The following ATP7B variants were observed in gnomAD, a reference collection of about 807,000 sequenced individuals.
The protein encoded by ATP7B is ATPase copper transporting beta.
In ATP7B, 113 loss-of-function variants were observed where a neutral mutation model predicts 118.9. The ratio of observed to expected loss-of-function variants is 0.95; its 90% CI spans 0.82 to 1.11. The LOEUF (loss-of-function observed/expected upper bound fraction) is 1.11, where lower values mean the gene tolerates loss of function less well. Ranked by LOEUF, ATP7B falls within the 50% of genes most tolerant of loss-of-function variation. ATP7B has a pLI of 0.00. For synonymous variants in ATP7B, 777 were observed against 727.4 expected (o/e 1.07, Z -1.10); for missense variants, 1,867 against 1,871.4 (o/e 1.00, Z 0.04).
At chr13:51,980,941 A>G (rs1952382729) in intron 1 of ATP7B, among the ~76,000 whole-genome samples, 1 of 152,224 alleles carries the variant, frequency 6.6e-6, no homozygotes, top group Non-Finnish European at 1.5e-5. Flanking sequence ...TTCAAAATAC[A>G]AAAAAGTCCG....
intron 9 of ATP7B, among the ~76,000 whole-genome samples, chr13:51,951,642 C>T (rs1444781144): frequency 1.3e-5 from 2 of 152,082 alleles, no homozygotes; most frequent in Non-Finnish European, 2.9e-5. Flanking sequence ...TATCTGAAAG[C>T]TGAGCAGAAG....
chr13:51,945,399 G>A (rs775725569), intron 13 of ATP7B, among the ~76,000 whole-genome samples: 6 of 152,138 alleles, frequency 3.9e-5, no homozygotes, highest in Non-Finnish European at 7.4e-5. Context: ...TGGGGATACC[G>A]CGGGGAGGGG....
intron 1 of ATP7B, among the ~76,000 whole-genome samples, chr13:51,997,697 G>A (rs1038074424): frequency 1.6e-4 from 24 of 152,208 alleles, no homozygotes; most frequent in African/African-American, 5.8e-4. Context: ...GAAGACCCAG[G>A]AGAGGAGGGA....
At chr13:51,995,330 T>C (rs1234393953) in intron 1 of ATP7B, 1 of 985,392 alleles carries the variant, frequency 1.0e-6, no homozygotes, top group East Asian at 1.1e-4. Context: ...GGAACTCATT[T>C]CCCAGGTTCC....
At chr13:52,011,028 T>C (rs1436047794) in intron 1 of ATP7B, among the ~76,000 whole-genome samples, 9 of 152,256 alleles carry the variant, frequency 5.9e-5, no homozygotes, top group African/African-American at 1.9e-4. Flanking sequence ...GACGCTCACT[T>C]TATCTCTCCA....
intron 1 of ATP7B, among the ~76,000 whole-genome samples, chr13:51,990,387 TA>T (rs1432156467): frequency 6.6e-6 from 1 of 152,174 alleles, no homozygotes; most frequent in Non-Finnish European, 1.5e-5. Context: ...ACTGTCTACA[TA>T]AAATATAGTC....
At position 51,968,562 on chromosome 13, in the gene ATP7B, A is replaced by G. The variant is rs922305742; in HGVS notation, c.1589T>C (p.Ile530Thr). 2 of 1,613,990 alleles carry G rather than the reference A, an allele frequency of 1.2e-6. No homozygotes were observed. The highest frequency in any genetic ancestry group is 1.7e-6 in the Non-Finnish European group (2 of 1,180,034). ...LVALMAGKAE[I>T]KYDPEVIQPL... ...CTGGATGACCTCTGGGTCATACTTG[A>G]TCTCTGCCTTTCCTGCCATCAAGGC... The change falls in exon 4 of 21, where the codon ATC becomes ACC. Residue 530 changes from isoleucine to threonine, a missense_variant. Ile to Thr is a moderately conservative substitution (Grantham distance 89). Transcript: ENST00000242839.
chr13:51,940,000 CTTTTTTTTTTTTT>C (rs10555680), intron 16 of ATP7B, among the ~76,000 whole-genome samples: 2 of 52,292 alleles, frequency 3.8e-5, no homozygotes, highest in Admixed American at 5.9e-4. Context: ...CACATGCAGT[CTTTTTTTTTTTTT>C]TTTTTTTTTT....
At chr13:52,011,816 G>A (rs958208883), upstream of ATP7B, among the ~76,000 whole-genome samples, 1 of 152,272 alleles carries the variant, frequency 6.6e-6, no homozygotes, top group Non-Finnish European at 1.5e-5. Context: ...GATCTCACGC[G>A]TGTGCGGGAG....
chr13:51,957,555 G>A lies in ATP7B; in HGVS notation c.2408C>T (p.Ala803Val), dbSNP rs750290323. Residue 803 changes from alanine to valine, a missense_variant, in exon 9 of 21, where the codon GCC (alanine) becomes GTC (valine). Ala to Val is a moderately conservative substitution (Grantham distance 64). Coordinates refer to ENST00000242839, the MANE Select transcript of ATP7B (RefSeq NM_000053.4). Reference protein sequence around the residue: ...AKLMSLQATEATVVTLGEDNL... With the variant: ...AKLMSLQATEVTVVTLGEDNL... Reference sequence around the variant, plus strand: ...GTCCTCACCAAGGGTCACAACGGTGGCTTCTGTGGCTTGGAGAGACATGAG... The same window carrying A: ...GTCCTCACCAAGGGTCACAACGGTGACTTCTGTGGCTTGGAGAGACATGAG... 6.2e-6 allele frequency: 10 copies of A among 1,614,048 alleles called. No homozygotes were observed. In the African/African-American group the frequency reaches 1.2e-4, roughly 19 times the overall value.
At chr13:51,975,736 T>G (rs567854566) in intron 1 of ATP7B, among the ~76,000 whole-genome samples, 2 of 152,352 alleles carry the variant, frequency 1.3e-5, no homozygotes, top group African/African-American at 4.8e-5. Context: ...ACGCTCCAAA[T>G]GCAGACTTCC....
intron 1 of ATP7B, among the ~76,000 whole-genome samples, chr13:51,988,322 T>C (rs1288455016): frequency 6.6e-6 from 1 of 152,034 alleles, no homozygotes; most frequent in African/African-American, 2.4e-5. Flanking sequence ...TCATCACTGG[T>C]TATTACAGAC....
chr13:52,011,181 G>C, intron 1 of ATP7B, 106 bp downstream of exon 1: 1 of 1,553,088 alleles, frequency 6.4e-7, no homozygotes, highest in South Asian at 1.1e-5. Flanking sequence ...GTCTGGCTCG[G>C]CCTTCCCTGC....
At chr13:51,960,399 G>A in intron 6 of ATP7B, 77 bp from the exon 7 acceptor site, 1 of 1,547,030 alleles carries the variant, frequency 6.5e-7, no homozygotes, top group Non-Finnish European at 8.8e-7. Flanking sequence ...CCCTTCTGAG[G>A]ACACAGTTTA....
At chr13:52,011,746 GGCCTGT>G, upstream of ATP7B, among the ~76,000 whole-genome samples, 1 of 152,372 alleles carries the variant, frequency 6.6e-6, no homozygotes, top group East Asian at 1.9e-4. Context: ...GCAGGGCGGA[GGCCTGT>G]CCTCCTCCGC....
At chr13:51,988,746 G>A (rs1952777392) in intron 1 of ATP7B, among the ~76,000 whole-genome samples, 1 of 152,132 alleles carries the variant, frequency 6.6e-6, no homozygotes, top group African/African-American at 2.4e-5. Flanking sequence ...ATGAGTTCAT[G>A]TTCTTTGCAG....
At chr13:51,944,367 C>A (rs376643266) in intron 13 of ATP7B, 76 bp from the exon 14 acceptor site, 23 of 1,567,758 alleles carry the variant, frequency 1.5e-5, no homozygotes, top group Middle Eastern at 1.7e-4. Context: ...TGAGGCAGAA[C>A]TTCACCCAAC....
intron 1 of ATP7B, among the ~76,000 whole-genome samples, chr13:52,008,289 G>A (rs910610735): frequency 2.3e-4 from 35 of 152,194 alleles, no homozygotes; most frequent in Admixed American, 2.1e-3. Context: ...GCAGTGAACC[G>A]AGATCCCGCC....
chr13:51,994,433 T>C (rs1953092201), intron 1 of ATP7B, among the ~76,000 whole-genome samples: 1 of 152,182 alleles, frequency 6.6e-6, no homozygotes, highest in East Asian at 1.9e-4. Context: ...AGGAAAAAAC[T>C]TTAAAGGAGT....
Sources: allele counts gnomAD v4.1 joint callset (sites outside exome capture counted in the v4.1 genomes callset), GRCh38; gene constraint gnomAD v4.1.1; transcripts MANE v1.5; gene names NCBI Gene and HGNC (gene_info 2026-07-23, HGNC 2026-07-21).